The following MESD variants were observed in gnomAD, a reference collection of about 807,000 sequenced individuals.
MESD encodes the protein LRP chaperone MESD.
A neutral mutation model predicts 12.9 loss-of-function variants in MESD; 7 were observed. The observed-to-expected ratio is 0.54, with a 90% CI of 0.31 to 1.02. The LOEUF (loss-of-function observed/expected upper bound fraction) is 1.02, where lower values mean the gene tolerates loss of function less well. MESD is among the 50% of genes least tolerant of loss of function. The pLI is 0.05. For missense variants in MESD, 342 were observed against 296.7 expected (o/e 1.15, Z -1.12); for synonymous variants, 126 against 115.6 (o/e 1.09, Z -0.58).
At chr15:80,958,976 G>A (rs572364494) in intron 3 of MESD, among the ~76,000 whole-genome samples, 1 of 152,332 alleles carries the variant, frequency 6.6e-6, no homozygotes, top group South Asian at 2.1e-4. Context: ...ATGCCCTGAA[G>A]GAAATTTACA....
At chr15:80,973,762 G>T (rs111412323), downstream of MESD, among the ~76,000 whole-genome samples, 77 of 146,858 alleles carry the variant, frequency 5.2e-4, no homozygotes, top group Non-Finnish European at 8.9e-4. Flanking sequence ...CATGGTTTTT[G>T]TTTTTTTTTT....
chr15:80,966,514 G>A (rs1018540936), intron 3 of MESD, among the ~76,000 whole-genome samples: 2 of 152,128 alleles, frequency 1.3e-5, no homozygotes, highest in African/African-American at 4.8e-5. Flanking sequence ...GAGCTCAACG[G>A]GCCCAGTGCT....
chr15:80,987,310 C>T (rs1305058542), intron 1 of MESD, among the ~76,000 whole-genome samples: 1 of 152,164 alleles, frequency 6.6e-6, no homozygotes, highest in Non-Finnish European at 1.5e-5. Flanking sequence ...GAGATGGATA[C>T]GCTCTCCCAC....
At chr15:80,981,525 G>A (rs140182759) in intron 2 of MESD, among the ~76,000 whole-genome samples, 8 of 151,442 alleles carry the variant, frequency 5.3e-5, no homozygotes, top group South Asian at 2.1e-4. Context: ...TGGGAAATAC[G>A]GCCAGAAAGG....
chr15:80,973,245 C>T (rs1902330078), downstream of MESD, among the ~76,000 whole-genome samples: 1 of 152,118 alleles, frequency 6.6e-6, no homozygotes, highest in African/African-American at 2.4e-5. Context: ...TTTAACATTG[C>T]TGTGCTATTA....
At chr15:80,985,639 CTT>C (rs11425497) in intron 1 of MESD, among the ~76,000 whole-genome samples, 25 of 89,044 alleles carry the variant, frequency 2.8e-4, no homozygotes, top group Admixed American at 1.1e-3. Context: ...TCCCAAGCAG[CTT>C]TTTTTTTTTT....
At chr15:80,983,271 A>T (rs1164257033) in intron 1 of MESD, among the ~76,000 whole-genome samples, 1 of 151,316 alleles carries the variant, frequency 6.6e-6, no homozygotes, top group African/African-American at 2.4e-5. Context: ...GAAAAGAAAT[A>T]CTCCCTCTTT....
chr15:80,989,510 A>G (rs992705363), intron 1 of MESD, 69 bp downstream of exon 1: 46 of 1,512,114 alleles, frequency 3.0e-5, no homozygotes, highest in African/African-American at 4.1e-5. Flanking sequence ...AAGACAGAAC[A>G]GGTAAGGGGT....
chr15:80,983,574 T>C (rs1370593948), intron 1 of MESD, among the ~76,000 whole-genome samples: 12 of 152,220 alleles, frequency 7.9e-5, no homozygotes, highest in Admixed American at 6.5e-5. Context: ...TGGTTTTTCA[T>C]AGATTAACAG....
At position 80,978,976 on chromosome 15, in the gene MESD, G is replaced by A. The variant is rs1902496675; in HGVS notation, c.*243C>T. The A allele has an allele frequency of 1.8e-6, 1 of 550,746 alleles. No homozygotes were observed. The highest frequency in any genetic ancestry group is 3.2e-6 in the Non-Finnish European group (1 of 316,960). 34.1% of individuals were successfully genotyped at this position (550,746 alleles called of 1,614,324 possible). ...CAACACAGTCACATTTCCATGTAAGGAGATTTTATAGTAAACATGAATTTG... is the reference window on the plus strand; with the variant it reads ...CAACACAGTCACATTTCCATGTAAGAAGATTTTATAGTAAACATGAATTTG... On this transcript the variant is annotated 3_prime_UTR_variant, in exon 3 of 3. Transcript: ENST00000261758.
chr15:80,955,765 C>T (rs914757761), intron 3 of MESD, among the ~76,000 whole-genome samples: 1 of 151,558 alleles, frequency 6.6e-6, no homozygotes, highest in Non-Finnish European at 1.5e-5. Context: ...GGATTACAGG[C>T]CTGAGCCACC....
chr15:80,955,617 G>C (rs1325847813), intron 3 of MESD, among the ~76,000 whole-genome samples: 2 of 91,088 alleles, frequency 2.2e-5, no homozygotes, highest in African/African-American at 5.5e-5. Flanking sequence ...GTGTTTGTGC[G>C]TGTGTGTGTG....
chr15:80,966,296 T>A (rs1386289058), intron 3 of MESD, among the ~76,000 whole-genome samples: 1 of 152,208 alleles, frequency 6.6e-6, no homozygotes, highest in Admixed American at 6.5e-5. Flanking sequence ...TAGCATTATT[T>A]ATAATGACTT....
chr15:80,974,411 G>A (rs181351627), downstream of MESD, among the ~76,000 whole-genome samples: 272 of 152,208 alleles, frequency 1.8e-3, 1 homozygote, highest in African/African-American at 6.3e-3. Flanking sequence ...GAAAACAGCA[G>A]CAATAAAAGA....
chr15:80,976,626 G>A lies in MESD; in HGVS notation c.*2593C>T, dbSNP rs1450613994. On this transcript the variant is annotated 3_prime_UTR_variant, in exon 3 of 3. Transcript: ENST00000261758. ...CAAGGATAGATCTATTGTTGGCAAG[G>A]GTAAGCTGACTAAACCACTTGGGAG... The A allele has an allele frequency of 2.6e-5, 4 of 152,122 alleles. No homozygotes were observed. Among genetic ancestry groups the A allele is most frequent in the Non-Finnish European group, 5.9e-5 (4 of 68,038 alleles). 9.4% of individuals were successfully genotyped at this position (152,122 alleles called of 1,614,324 possible). A position where few individuals can be genotyped will look rare whatever the true frequency, so the allele number is the denominator to read the frequency against.
At chr15:80,980,893 G>A (rs1902557200) in intron 2 of MESD, among the ~76,000 whole-genome samples, 1 of 149,880 alleles carries the variant, frequency 6.7e-6, no homozygotes, top group Non-Finnish European at 1.5e-5. Context: ...ACGCAATCTC[G>A]GCTCACTGCA....
chr15:80,980,824 T>C lies in MESD; in HGVS notation c.446+1126A>G, dbSNP rs552087010. 9.6e-3 allele frequency among the ~76,000 whole-genome samples: 1,337 copies of C among 138,954 alleles called. 12 individuals carry two copies. The highest frequency in any genetic ancestry group is 0.022 in the South Asian group (103 of 4,776). The allele number at this position is 138,954 out of a possible 152,430, so 91.2% of individuals were successfully genotyped here. ...CTTTTACCAACAATAAATGCCCTTT[T>C]TTTTTTTTTTTCTTCCCCGAGATGG... On this transcript the variant is annotated intron_variant, in intron 2 of 2. Coordinates refer to ENST00000261758, the MANE Select transcript of MESD (RefSeq NM_015154.3).
At position 80,979,191 on chromosome 15, in the gene MESD, C is replaced by G. The variant is rs758990502; in HGVS notation, c.*28G>C. On this transcript the variant is annotated 3_prime_UTR_variant, in exon 3 of 3. Coordinates refer to ENST00000261758, the MANE Select transcript of MESD (RefSeq NM_015154.3). The stretch of plus-strand genomic sequence containing the variant: ...CAAAGAGCTCTCCACGTCCACCTGT[C>G]CCCCCACAGCGCGTCACTGCTGCCC... 8 of 1,599,560 alleles carry G rather than the reference C, an allele frequency of 5.0e-6. No homozygotes were observed. The highest frequency in any genetic ancestry group is 1.1e-5 in the South Asian group (1 of 88,510).
chr15:80,948,616 C>A (rs1901670355), exon 5 of MESD: 2 of 814,238 alleles, frequency 2.5e-6, no homozygotes, highest in Non-Finnish European at 4.1e-6. Flanking sequence ...CTGCCCCATA[C>A]AAACACATGT....
Sources: allele counts gnomAD v4.1 joint callset (sites outside exome capture counted in the v4.1 genomes callset), GRCh38; gene constraint gnomAD v4.1.1; transcripts MANE v1.5; gene names NCBI Gene and HGNC (gene_info 2026-07-23, HGNC 2026-07-21).